Variants in ITGA9 observed in about 807,000 individuals in gnomAD.
The protein encoded by ITGA9 is integrin subunit alpha 9, also known as integrin alpha-9.
In ITGA9, 56 loss-of-function variants were observed where a neutral mutation model predicts 127.8. That is an observed-to-expected ratio of 0.44 (90% CI 0.35 to 0.55). ITGA9 has a LOEUF of 0.55. Ranked by LOEUF, ITGA9 falls within the 20% of genes least tolerant of loss-of-function variation. The probability of loss-of-function intolerance (pLI) is 0.00; values close to 1 mark genes in which losing one functional copy is unlikely to be tolerated. For missense variants in ITGA9, 1,196 were observed against 1,347.1 expected, an observed-to-expected ratio of 0.89 and a Z score of 1.76; for synonymous variants, 508 against 514.5, an observed-to-expected ratio of 0.99 and a Z score of 0.17.
intron 15 of ITGA9, among the ~76,000 whole-genome samples, chr3:37,600,425 A>G (rs1169036705): frequency 6.6e-6 from 1 of 152,000 alleles, no homozygotes; most frequent in East Asian, 1.9e-4. Context: ...CCTGTGCTAC[A>G]CTCGAGCCAA....
chr3:37,570,108 G>A (rs1699586159), intron 15 of ITGA9, among the ~76,000 whole-genome samples: 1 of 152,260 alleles, frequency 6.6e-6, no homozygotes, highest in African/African-American at 2.4e-5. Flanking sequence ...CAAAGCAGCT[G>A]CCTTGATCCC....
At chr3:37,750,248 T>A (rs897364411) in intron 22 of ITGA9, among the ~76,000 whole-genome samples, 4 of 152,200 alleles carry the variant, frequency 2.6e-5, no homozygotes, top group African/African-American at 9.6e-5. Flanking sequence ...GTTTCAAAGT[T>A]TGAGATTTTT....
chr3:37,526,218 T>G, intron 13 of ITGA9, 147 bp downstream of exon 13: 1 of 751,796 alleles, frequency 1.3e-6, no homozygotes, highest in Non-Finnish European at 2.4e-6. Flanking sequence ...TTTCTCATTC[T>G]AATTATTCTC....
chr3:37,724,240 A>G, intron 18 of ITGA9, among the ~76,000 whole-genome samples: 1 of 152,164 alleles, frequency 6.6e-6, no homozygotes, highest in Non-Finnish European at 1.5e-5. Context: ...CCTCTCTGCT[A>G]CTATGTCACT....
intron 13 of ITGA9, among the ~76,000 whole-genome samples, chr3:37,527,890 ATTC>A (rs1699109640): frequency 6.6e-6 from 1 of 151,678 alleles, no homozygotes; most frequent in Non-Finnish European, 1.5e-5. Flanking sequence ...GGTTCAAGTG[ATTC>A]TCCTGCCTCA....
intron 20 of ITGA9, among the ~76,000 whole-genome samples, chr3:37,741,486 ACTGGCATTTCCT>A (rs1696434784): frequency 6.6e-6 from 1 of 152,054 alleles, no homozygotes; most frequent in Admixed American, 6.6e-5. Context: ...CTCCAGTCCT[ACTGGCATTTCCT>A]GGGGCCACCT....
intron 23 of ITGA9, among the ~76,000 whole-genome samples, chr3:37,769,338 CAAAA>C (rs35133772): frequency 1.4e-4 from 16 of 114,310 alleles, no homozygotes; most frequent in Non-Finnish European, 2.2e-4. Context: ...AACTCTGTCT[CAAAA>C]AAAAAAAAAA....
intron 18 of ITGA9, among the ~76,000 whole-genome samples, chr3:37,709,818 C>G (rs1490447068): frequency 6.6e-6 from 1 of 152,210 alleles, no homozygotes; most frequent in African/African-American, 2.4e-5. Flanking sequence ...CCGGAGTAGA[C>G]AGCATGAATC....
chr3:37,550,230 A>G (rs977260490), intron 15 of ITGA9, among the ~76,000 whole-genome samples: 53 of 152,320 alleles, frequency 3.5e-4, no homozygotes, highest in African/African-American at 1.3e-3. Context: ...AGCTAGAACT[A>G]TTAGTAACTA....
At chr3:37,768,102 C>T (rs1157797930) in intron 23 of ITGA9, among the ~76,000 whole-genome samples, 1 of 152,034 alleles carries the variant, frequency 6.6e-6, no homozygotes, top group Non-Finnish European at 1.5e-5. Flanking sequence ...AGTATTTGTC[C>T]TAGGATTCAT....
At chr3:37,538,393 G>A (rs1245618796) in intron 14 of ITGA9, among the ~76,000 whole-genome samples, 3 of 152,234 alleles carry the variant, frequency 2.0e-5, no homozygotes, top group Non-Finnish European at 4.4e-5. Flanking sequence ...AGTATTACTC[G>A]GGGCTGATCA....
Position 37,508,632 on chromosome 3 carries a change from G to T in ITGA9, c.897+5G>T. 1 of 1,609,846 alleles carries T rather than the reference G, an allele frequency of 6.2e-7. No homozygotes were observed. Among genetic ancestry groups the T allele is most frequent in the Non-Finnish European group, 8.5e-7 (1 of 1,176,228 alleles). ...TTTCAAGCATCAGGTAAAAAGGTGA[G>T]GTTCTTGGTATAAGTGACTATTTTT... On this transcript the variant is annotated splice_donor_5th_base_variant and intron_variant, in intron 8 of 27. Transcript: ENST00000264741.
At chr3:37,457,509 A>G (rs1218823767) in intron 1 of ITGA9, among the ~76,000 whole-genome samples, 1 of 152,230 alleles carries the variant, frequency 6.6e-6, no homozygotes. Flanking sequence ...CTGCCTTCTC[A>G]TAACCTCAGT....
chr3:37,512,120 C>CCTTCTTTTCTTTTCT lies in ITGA9; in HGVS notation c.898-1643_898-1642insCTTCTTTTCTTTTCT, dbSNP rs1698929069. ...TCCTTCCTTCCTTCCTTCCTTCCTT[C>CCTTCTTTTCTTTTCT]TTTCTTTTCTTTTCTTTTCTTTTCT... On this transcript the variant is annotated intron_variant, in intron 8 of 27. Transcript: ENST00000264741. 9.4e-4 allele frequency among the ~76,000 whole-genome samples: 37 copies of CCTTCTTTTCTTTTCT among 39,470 alleles called. 2 individuals are homozygous for CCTTCTTTTCTTTTCT. The highest frequency in any genetic ancestry group is 1.3e-3 in the Non-Finnish European group (28 of 21,194). 25.9% of individuals were successfully genotyped at this position (39,470 alleles called of 152,430 possible).
intron 8 of ITGA9, among the ~76,000 whole-genome samples, chr3:37,513,539 A>T (rs1043789230): frequency 6.6e-6 from 1 of 151,224 alleles, no homozygotes; most frequent in African/African-American, 2.4e-5. Context: ...GTACCCATTA[A>T]CTCGTCATTT....
Position 37,619,761 on chromosome 3 carries a change from A to C in ITGA9, c.1690-9426A>C, listed in dbSNP as rs548162887. Among the ~76,000 whole-genome samples the C allele has an allele frequency of 1.7e-3, 252 of 152,364 alleles. 1 individual carries two copies. Among genetic ancestry groups the C allele is most frequent in the African/African-American group, 5.8e-3 (241 of 41,586 alleles). On this transcript the variant is annotated intron_variant, in intron 15 of 27. Transcript: ENST00000264741. Reference sequence around the variant, plus strand: ...TTTATGCGGCTTGGGGTCTTGCTCCAGGCTCTCATGGCCGTTGCTGGAATT... The same window carrying C: ...TTTATGCGGCTTGGGGTCTTGCTCCCGGCTCTCATGGCCGTTGCTGGAATT...
intron 4 of ITGA9, among the ~76,000 whole-genome samples, chr3:37,493,017 G>C (rs1217173536): frequency 3.3e-5 from 5 of 152,196 alleles, no homozygotes; most frequent in African/African-American, 1.2e-4. Flanking sequence ...AGTTCCTTTT[G>C]TCACTGGACT....
At position 37,820,860 on chromosome 3, in the gene ITGA9, T is replaced by C. The variant is rs1291693836; in HGVS notation, c.*1871T>C. 6.6e-6 allele frequency: 1 copy of C among 152,240 alleles called. No homozygotes were observed. Among genetic ancestry groups the C allele is most frequent in the Non-Finnish European group, 1.5e-5 (1 of 68,036 alleles). The allele number at this position is 152,240 out of a possible 1,614,324, so 9.4% of individuals were successfully genotyped here. ...GTCTTTCTTATAGCACCTTTTTTAC[T>C]GGAAGCTAACACGTTGGGAGTCCGT... On this transcript the variant is annotated 3_prime_UTR_variant, in exon 28 of 28. Coordinates refer to ENST00000264741, the MANE Select transcript of ITGA9 (RefSeq NM_002207.3).
At chr3:37,609,537 C>T (rs1699998493) in intron 15 of ITGA9, among the ~76,000 whole-genome samples, 1 of 152,122 alleles carries the variant, frequency 6.6e-6, no homozygotes, top group South Asian at 2.1e-4. Context: ...GACATGGTCC[C>T]CACCCATGAC....
Sources: gnomAD v4.1 joint callset for allele counts (sites outside exome capture counted in the v4.1 genomes callset) on GRCh38, gnomAD v4.1.1 for gene constraint, MANE v1.5 for transcripts, NCBI Gene and HGNC (gene_info 2026-07-23, HGNC 2026-07-21) for gene names.